The following GALNTL6 variants were observed in gnomAD, a reference collection of about 807,000 sequenced individuals.
GALNTL6 encodes polypeptide N-acetylgalactosaminyltransferase like 6, also known as polypeptide N-acetylgalactosaminyltransferase-like 6.
GALNTL6 carries 46 observed loss-of-function variants against 73.7 expected under a neutral mutation model. The observed-to-expected ratio is 0.62, with a 90% confidence interval of 0.49 to 0.80. The LOEUF is 0.80. GALNTL6 is among the 30% of genes least tolerant of loss of function. The pLI, the probability that GALNTL6 is intolerant of heterozygous loss-of-function variation, is 0.00. For missense variants in GALNTL6, 604 were observed against 755.0 expected, an observed-to-expected ratio of 0.80 and a Z score of 2.34; for synonymous variants, 259 against 263.7, an observed-to-expected ratio of 0.98 and a Z score of 0.17.
chr4:171,969,104 G>A (rs1739484979), intron 2 of GALNTL6, among the ~76,000 whole-genome samples: 1 of 151,964 alleles, frequency 6.6e-6, no homozygotes, highest in Admixed American at 6.6e-5. Flanking sequence ...CAAAGTCCTG[G>A]GATTACAGGC....
At chr4:172,283,884 A>G (rs1051926015) in intron 3 of GALNTL6, among the ~76,000 whole-genome samples, 1 of 152,172 alleles carries the variant, frequency 6.6e-6, no homozygotes, top group Non-Finnish European at 1.5e-5. Flanking sequence ...TCTGCACTTC[A>G]TTTTTATAAT....
chr4:172,527,979 C>G (rs1028477404), intron 5 of GALNTL6, among the ~76,000 whole-genome samples: 1 of 151,878 alleles, frequency 6.6e-6, no homozygotes, highest in African/African-American at 2.4e-5. Context: ...CTTTTATCAA[C>G]TATAGTTATA....
At chr4:171,927,027 AT>A (rs34143924) in intron 2 of GALNTL6, among the ~76,000 whole-genome samples, 2,698 of 149,062 alleles carry the variant, frequency 0.018, 75 homozygotes, top group African/African-American at 0.063. Flanking sequence ...CCTATACGTA[AT>A]TTTTTTTTTC....
chr4:172,600,871 C>T (rs1050931775), intron 5 of GALNTL6, among the ~76,000 whole-genome samples: 3 of 151,538 alleles, frequency 2.0e-5, no homozygotes, highest in Admixed American at 1.3e-4. Context: ...TAGAAGATAA[C>T]AAAAATCCAG....
chr4:173,009,153 T>C (rs1299352121), intron 10 of GALNTL6, 25 bp from the exon 11 acceptor site: 1 of 1,517,910 alleles, frequency 6.6e-7, no homozygotes. Flanking sequence ...AGCCCCACAC[T>C]CAAAATTCTT....
intron 2 of GALNTL6, among the ~76,000 whole-genome samples, chr4:171,989,868 ATT>A (rs1220161161): frequency 6.6e-6 from 1 of 152,190 alleles, no homozygotes; most frequent in African/African-American, 2.4e-5. Flanking sequence ...GGTTTTTCAT[ATT>A]TGATGAAAAA....
In GALNTL6 at chr4:171,969,531, G is replaced by T. The variant is rs540526959; in HGVS notation, c.138+154813G>T. ...TTTATTTACACGTGATTATTTAGGA[G>T]CAGTTGCATTAATAATTCTACATTG... On this transcript the variant is annotated intron_variant, in intron 2 of 12. Transcript: ENST00000506823. Among the ~76,000 whole-genome samples the T allele has an allele frequency of 3.3e-5, 5 of 152,296 alleles. No homozygotes were observed. The South Asian group carries it at 1.0e-3, about 32-fold the overall frequency.
rs2111089665 is a variant in GALNTL6 at position 172,843,796 on chromosome 4, C to T, written c.923+30073C>T. ...TGGTCAAGCCAGGCACGGTGGCTCA[C>T]ACCTGCAATCCCAGGACTTTGGGAG... On this transcript the variant is annotated intron_variant, in intron 7 of 12. Coordinates refer to ENST00000506823, the MANE Select transcript of GALNTL6 (RefSeq NM_001034845.3). Among the ~76,000 whole-genome samples the T allele has an allele frequency of 2.6e-5, 4 of 152,344 alleles. 1 individual carries two copies. In the Middle Eastern group the frequency reaches 0.014, roughly 518 times the overall value.
chr4:172,175,673 C>G (rs1734966578), intron 2 of GALNTL6, among the ~76,000 whole-genome samples: 1 of 152,146 alleles, frequency 6.6e-6, no homozygotes, highest in Admixed American at 6.5e-5. Context: ...ATTGAAGATT[C>G]TTAAGCATTT....
intron 2 of GALNTL6, among the ~76,000 whole-genome samples, chr4:171,960,575 C>A (rs527289682): frequency 1.3e-5 from 2 of 151,752 alleles, no homozygotes; most frequent in African/African-American, 4.8e-5. Context: ...CCACCACGCC[C>A]TGCCAGGATA....
intron 5 of GALNTL6, among the ~76,000 whole-genome samples, chr4:172,432,170 A>G (rs531689043): frequency 1.4e-4 from 22 of 152,038 alleles, no homozygotes; most frequent in Non-Finnish European, 2.9e-4. Context: ...AAATGAGTTT[A>G]AATCACACAG....
intron 2 of GALNTL6, among the ~76,000 whole-genome samples, chr4:172,108,936 C>T (rs186850922): frequency 1.8e-4 from 26 of 145,310 alleles, no homozygotes; most frequent in Admixed American, 1.2e-3. Context: ...TTGCTTGAAC[C>T]GAGGAGGCAG....
At position 172,327,245 on chromosome 4, in the gene GALNTL6, T is replaced by C. The variant is rs34038734; in HGVS notation, c.386+15493T>C. 4.1e-4 allele frequency among the ~76,000 whole-genome samples: 62 copies of C among 152,278 alleles called. 1 individual carries two copies. The highest frequency in any genetic ancestry group is 1.3e-3 in the African/African-American group (54 of 41,586). On this transcript the variant is annotated intron_variant, in intron 4 of 12. Coordinates refer to ENST00000506823, the MANE Select transcript of GALNTL6 (RefSeq NM_001034845.3). ...TTAGTTTTGATTTTTATATCTATTGTGCTGTGGTCCAAGAGTGTGTTTCAT... is the reference window on the plus strand; with the variant it reads ...TTAGTTTTGATTTTTATATCTATTGCGCTGTGGTCCAAGAGTGTGTTTCAT...
At chr4:172,665,735 A>T (rs994873880) in intron 5 of GALNTL6, among the ~76,000 whole-genome samples, 2 of 152,220 alleles carry the variant, frequency 1.3e-5, no homozygotes, top group Non-Finnish European at 2.9e-5. Context: ...AATGGAATGA[A>T]CTCAACTATT....
chr4:172,593,785 AATAGTG>A (rs1737746692), intron 5 of GALNTL6, among the ~76,000 whole-genome samples: 2 of 151,656 alleles, frequency 1.3e-5, no homozygotes, highest in Admixed American at 6.6e-5. Context: ...GCTGGAGTGT[AATAGTG>A]TGATCTCAAC....
At chr4:171,915,977 A>C (rs1245984117) in intron 2 of GALNTL6, among the ~76,000 whole-genome samples, 2 of 152,154 alleles carry the variant, frequency 1.3e-5, no homozygotes, top group African/African-American at 4.8e-5. Context: ...AAGGAAATGA[A>C]GATTTTCTTC....
At chr4:172,546,807 C>CATATATATACGTATATATAT (rs1554034213) in intron 5 of GALNTL6, among the ~76,000 whole-genome samples, 1 of 13,596 alleles carries the variant, frequency 7.4e-5, no homozygotes, top group African/African-American at 2.3e-4. Context: ...CGTATATATA[C>CATATATATACGTATATATAT]GTATATATAT....
intron 5 of GALNTL6, among the ~76,000 whole-genome samples, chr4:172,779,684 T>C (rs1048753685): frequency 2.6e-5 from 4 of 152,170 alleles, no homozygotes; most frequent in Non-Finnish European, 4.4e-5. Context: ...TAGTCAGTAA[T>C]GGGTTAAAGG....
At chr4:172,561,179 G>A (rs910537694) in intron 5 of GALNTL6, among the ~76,000 whole-genome samples, 4 of 148,804 alleles carry the variant, frequency 2.7e-5, no homozygotes, top group Admixed American at 2.0e-4. Flanking sequence ...CGTGAACCCG[G>A]GAAGCGGAGC....
Sources: gnomAD v4.1 joint callset for allele counts (sites outside exome capture counted in the v4.1 genomes callset) on GRCh38, gnomAD v4.1.1 for gene constraint, MANE v1.5 for transcripts, NCBI Gene and HGNC (gene_info 2026-07-23, HGNC 2026-07-21) for gene names.